Variants in CSTPP1 observed in about 807,000 individuals in gnomAD.
CSTPP1 encodes centriolar satellite-associated tubulin polyglutamylase complex regulator 1.
chr11:47,000,033 C>G, the CSTPP1 span, among the ~76,000 whole-genome samples: 2 of 152,144 alleles, frequency 1.3e-5, no homozygotes, highest in Non-Finnish European at 2.9e-5. Context: ...TCTTGAAAGA[C>G]GGATACTAAA....
At chr11:47,035,425 A>G in the CSTPP1 span, among the ~76,000 whole-genome samples, 1 of 152,246 alleles carries the variant, frequency 6.6e-6, no homozygotes, top group Non-Finnish European at 1.5e-5. Flanking sequence ...GTGATACACA[A>G]TTTACTGGAG....
At chr11:47,027,041 A>G in the CSTPP1 span, among the ~76,000 whole-genome samples, 1 of 152,270 alleles carries the variant, frequency 6.6e-6, no homozygotes, top group African/African-American at 2.4e-5. Flanking sequence ...AATTTCTAAC[A>G]TGCTATAAAG....
At chr11:47,095,835 A>G in the CSTPP1 span, among the ~76,000 whole-genome samples, 1 of 152,236 alleles carries the variant, frequency 6.6e-6, no homozygotes, top group Non-Finnish European at 1.5e-5. Context: ...ATGGACATTG[A>G]GAGTACCATT....
the CSTPP1 span, among the ~76,000 whole-genome samples, chr11:46,944,044 A>G: frequency 6.6e-6 from 1 of 150,476 alleles, no homozygotes. Context: ...AAGGCCAGGC[A>G]TGGTGGCTCA....
chr11:47,083,128 T>C, the CSTPP1 span, among the ~76,000 whole-genome samples: 18 of 151,538 alleles, frequency 1.2e-4, no homozygotes, highest in African/African-American at 3.6e-4. Flanking sequence ...AATGAGAACA[T>C]GCGGTGTTTG....
chr11:47,106,612 C>A, the CSTPP1 span, among the ~76,000 whole-genome samples: 2 of 150,962 alleles, frequency 1.3e-5, no homozygotes, highest in Admixed American at 6.6e-5. Flanking sequence ...CACTGCACTC[C>A]AGCCTGGGTG....
At chr11:47,048,674 G>A in the CSTPP1 span, among the ~76,000 whole-genome samples, 5 of 151,804 alleles carry the variant, frequency 3.3e-5, no homozygotes, top group Non-Finnish European at 7.4e-5. Flanking sequence ...GGTCTGGGGG[G>A]TGGGCAGAAG....
chr11:47,127,417 T>A, the CSTPP1 span, among the ~76,000 whole-genome samples: 1 of 152,234 alleles, frequency 6.6e-6, no homozygotes, highest in Admixed American at 6.5e-5. Context: ...GTGGCGCACC[T>A]GCCTTCAGGC....
At chr11:47,117,060 T>C in the CSTPP1 span, among the ~76,000 whole-genome samples, 1 of 152,220 alleles carries the variant, frequency 6.6e-6, no homozygotes, top group African/African-American at 2.4e-5. Flanking sequence ...CTGAATACAG[T>C]ACACTGATAG....
At chr11:47,000,903 G>A in the CSTPP1 span, among the ~76,000 whole-genome samples, 2,697 of 152,232 alleles carry the variant, frequency 0.018, 32 homozygotes, top group Non-Finnish European at 0.029. Context: ...CAGGGTATTA[G>A]TATTATCCTC....
the CSTPP1 span, among the ~76,000 whole-genome samples, chr11:47,101,745 T>G: frequency 6.6e-6 from 1 of 152,180 alleles, no homozygotes; most frequent in Admixed American, 6.5e-5. Context: ...AGCACCTTCC[T>G]TTGCTTTTGT....
the CSTPP1 span, chr11:47,157,758 G>T: frequency 1.3e-6 from 2 of 1,532,414 alleles, no homozygotes; most frequent in East Asian, 4.5e-5. Flanking sequence ...AAGTATGGAT[G>T]CAGAGGTGGC....
chr11:47,135,170 T>A, the CSTPP1 span, among the ~76,000 whole-genome samples: 1 of 152,018 alleles, frequency 6.6e-6, no homozygotes, highest in Non-Finnish European at 1.5e-5. Flanking sequence ...AATACCTTCC[T>A]CCTCTCTTCT....
the CSTPP1 span, among the ~76,000 whole-genome samples, chr11:47,058,550 TA>T: frequency 6.6e-6 from 1 of 152,086 alleles, no homozygotes; most frequent in Non-Finnish European, 1.5e-5. Flanking sequence ...TGGAAGATAT[TA>T]AAAAGATCCA....
At chr11:47,033,229 A>AT in the CSTPP1 span, among the ~76,000 whole-genome samples, 4 of 151,826 alleles carry the variant, frequency 2.6e-5, 1 homozygote, top group South Asian at 8.4e-4. Flanking sequence ...GTGATTTCTG[A>AT]TTTTTTTTGC....
chr11:46,978,799 G>A, the CSTPP1 span, among the ~76,000 whole-genome samples: 2 of 152,196 alleles, frequency 1.3e-5, no homozygotes, highest in East Asian at 3.8e-4. Flanking sequence ...TTCGTGCAGA[G>A]CCACATCAAC....
chr11:47,067,254 T>G, the CSTPP1 span, among the ~76,000 whole-genome samples: 2 of 151,778 alleles, frequency 1.3e-5, no homozygotes, highest in Non-Finnish European at 2.9e-5. Flanking sequence ...GAGTAATCAC[T>G]CTGGAGAAAT....
the CSTPP1 span, among the ~76,000 whole-genome samples, chr11:47,035,552 T>C: frequency 6.6e-6 from 1 of 152,220 alleles, no homozygotes; most frequent in Non-Finnish European, 1.5e-5. Flanking sequence ...ATTATTATAG[T>C]AGTACAGTAT....
At chr11:47,108,710 T>TC in the CSTPP1 span, among the ~76,000 whole-genome samples, 2 of 146,286 alleles carry the variant, frequency 1.4e-5, no homozygotes, top group Non-Finnish European at 3.0e-5. Flanking sequence ...TCTACTTTTT[T>TC]TTTTTTTTTT....
Sources: allele counts gnomAD v4.1 joint callset (sites outside exome capture counted in the v4.1 genomes callset), GRCh38; gene constraint gnomAD v4.1.1; transcripts MANE v1.5; gene names NCBI Gene and HGNC (gene_info 2026-07-23, HGNC 2026-07-21).